The following CYP19A1 variants were observed in gnomAD, a reference collection of about 807,000 sequenced individuals.
The protein encoded by CYP19A1 is aromatase.
In CYP19A1, 32 loss-of-function variants were observed where a neutral mutation model predicts 44.4. That is an observed-to-expected ratio of 0.72 (90% CI 0.54 to 0.97). The LOEUF is 0.97. Ranked by LOEUF, CYP19A1 falls within the 50% of genes least tolerant of loss-of-function variation. The probability of loss-of-function intolerance (pLI) is 0.00; values close to 1 mark genes in which losing one functional copy is unlikely to be tolerated. For synonymous variants in CYP19A1, 212 were observed against 215.6 expected, an observed-to-expected ratio of 0.98 and a Z score of 0.14; for missense variants, 598 against 637.8, an observed-to-expected ratio of 0.94 and a Z score of 0.67.
intron 1 of CYP19A1, among the ~76,000 whole-genome samples, chr15:51,301,571 C>A (rs909506081): frequency 2.0e-5 from 3 of 152,218 alleles, no homozygotes; most frequent in African/African-American, 7.2e-5. Context: ...GCTGACCCCC[C>A]GCGTGCCTTC....
rs1014549887 is a variant in CYP19A1 at position 51,218,939 on chromosome 15, T to G, written c.629-284A>C. 7.2e-5 allele frequency among the ~76,000 whole-genome samples: 11 copies of G among 152,244 alleles called. No homozygotes were observed. In the East Asian group the frequency reaches 2.1e-3, roughly 29 times the overall value. ...CAAGTTTTCAGCCTAGAATTTCACA[T>G]ATTCTCCTTGGGCTGAGCTTTCAAC... On this transcript the variant is annotated intron_variant, in intron 5 of 9. Transcript: ENST00000396402.
chr15:51,223,394 G>GC (rs573534688), intron 4 of CYP19A1, among the ~76,000 whole-genome samples: 1 of 152,002 alleles, frequency 6.6e-6, no homozygotes, highest in Admixed American at 6.6e-5. Flanking sequence ...CCCTTAAAGT[G>GC]CCCCTTTCTC....
At chr15:51,322,563 A>G (rs979624573) in intron 1 of CYP19A1, among the ~76,000 whole-genome samples, 1 of 152,184 alleles carries the variant, frequency 6.6e-6, no homozygotes, top group African/African-American at 2.4e-5. Context: ...ACCACCTCCA[A>G]TATATAAAAT....
At chr15:51,258,317 T>G (rs1173155794) in intron 1 of CYP19A1, among the ~76,000 whole-genome samples, 3 of 152,218 alleles carry the variant, frequency 2.0e-5, no homozygotes, top group Non-Finnish European at 4.4e-5. Flanking sequence ...CCACAGCACT[T>G]GTTGTTCTCT....
chr15:51,231,225 A>G lies in CYP19A1; in HGVS notation c.297-3292T>C, dbSNP rs187301554. 5.1e-3 allele frequency among the ~76,000 whole-genome samples: 778 copies of G among 152,340 alleles called. 16 individuals carry two copies. Among genetic ancestry groups the G allele is most frequent in the Non-Finnish European group, 4.0e-3 (273 of 68,026 alleles). ...GCAACCTTAATCTAATTGAGCCTTT[A>G]GACCCAATTTTCAGTTTATAAGAAA... On this transcript the variant is annotated intron_variant, in intron 3 of 9. Transcript: ENST00000396402.
chr15:51,337,204 A>G (rs1194618385), intron 1 of CYP19A1, among the ~76,000 whole-genome samples: 1 of 152,238 alleles, frequency 6.6e-6, no homozygotes, highest in Non-Finnish European at 1.5e-5. Context: ...AGGACAGTTA[A>G]GATAGGTCCC....
chr15:51,314,100 G>A (rs28757091), intron 1 of CYP19A1: 2 of 152,018 alleles, frequency 1.3e-5, no homozygotes, highest in Admixed American at 6.5e-5. Context: ...AATTATTCTA[G>A]GGTCACACAG....
rs201638381 is a variant in CYP19A1, at chr15:51,210,993, C to A, written c.1327G>T (p.Ala443Ser). The A allele has an allele frequency of 1.4e-5, 23 of 1,589,924 alleles. No individual in the cohort carries two copies. The highest frequency in any genetic ancestry group is 5.0e-5 in the Admixed American group (3 of 59,950). The change falls in exon 10 of 10, where the codon GCC becomes TCC. Residue 443 changes from alanine to serine, a missense_variant. Transcript: ENST00000396402. ...AGGATGGCTTTCATCATCACCATGG[C>A]GATGTACTTTCCTGCACAGCCACGG... ...GPRGCAGKYI[A>S]MVMMKAILVT...
intron 1 of CYP19A1, among the ~76,000 whole-genome samples, chr15:51,286,924 G>C (rs1404310032): frequency 1.3e-5 from 2 of 152,196 alleles, no homozygotes; most frequent in Non-Finnish European, 2.9e-5. Context: ...ATGGCCTCTA[G>C]AGGGGACAGG....
intron 1 of CYP19A1, among the ~76,000 whole-genome samples, chr15:51,327,056 A>T (rs2036619366): frequency 1.3e-5 from 2 of 152,148 alleles, no homozygotes; most frequent in Non-Finnish European, 2.9e-5. Flanking sequence ...ATGCACCACT[A>T]ATCATCCAAA....
intron 1 of CYP19A1, among the ~76,000 whole-genome samples, chr15:51,332,887 G>A (rs2036723359): frequency 6.6e-6 from 1 of 152,186 alleles, no homozygotes; most frequent in Non-Finnish European, 1.5e-5. Context: ...AAGACTGTAA[G>A]ATTTTCTTTT....
At chr15:51,220,975 G>GTT (rs34931824) in intron 5 of CYP19A1, among the ~76,000 whole-genome samples, 68 of 144,098 alleles carry the variant, frequency 4.7e-4, no homozygotes, top group Non-Finnish European at 7.7e-4. Flanking sequence ...GCATGCACAT[G>GTT]TTTTTTTTTT....
At position 51,215,145 on chromosome 15, in the gene CYP19A1, A is replaced by G. The variant is rs1323470952; in HGVS notation, c.946T>C (p.Phe316Leu). The G allele has an allele frequency of 1.9e-6, 3 of 1,614,132 alleles. No individual in the cohort carries two copies. The Admixed American group carries it at 5.0e-5, about 27-fold the overall frequency. The change falls in exon 8 of 10, where the codon TTC (phenylalanine) becomes CTC (leucine). Residue 316 changes from phenylalanine (F) to leucine (L), a missense_variant. Phe to Leu is a conservative substitution (Grantham distance 22, BLOSUM62 0). Coordinates refer to ENST00000396402, the MANE Select transcript of CYP19A1 (RefSeq NM_000103.4). ...AAPDTMSVSL[F>L]FMLFLIAKHP... ...TTTGCAATGAGAAATAGCATGAAGA[A>G]CAAAGAGACAGACATGGTGTCAGGA...
At chr15:51,283,967 G>A (rs1193957006) in intron 1 of CYP19A1, among the ~76,000 whole-genome samples, 2 of 152,222 alleles carry the variant, frequency 1.3e-5, no homozygotes, top group African/African-American at 2.4e-5. Flanking sequence ...GTTAGAGGAC[G>A]CTTACCCTCA....
rs763421146 is a variant in CYP19A1 at position 51,210,878 on chromosome 15, G to A, written c.1442C>T (p.Pro481Leu). 12 of 1,588,896 alleles carry A rather than the reference G, an allele frequency of 7.6e-6. No individual in the cohort carries two copies. The highest frequency in any genetic ancestry group is 1.0e-5 in the Non-Finnish European group (12 of 1,156,984). Residue 481 changes from proline to leucine, a missense_variant, in exon 10 of 10, where the codon CCA becomes CTA. By Grantham distance (98) the Pro-to-Leu change is moderately conservative. Coordinates refer to ENST00000396402, the MANE Select transcript of CYP19A1 (RefSeq NM_000103.4). ...IQKIHDLSLH[P>L]DETKNMLEMI... ...TTCCAGCATGTTTTTAGTCTCATCTGGGTGCAAGGACAAGTCGTGTATCTT... is the reference window on the plus strand; with the variant it reads ...TTCCAGCATGTTTTTAGTCTCATCTAGGTGCAAGGACAAGTCGTGTATCTT...
intron 1 of CYP19A1, among the ~76,000 whole-genome samples, chr15:51,292,432 G>A (rs1179047050): frequency 2.0e-5 from 3 of 152,184 alleles, no homozygotes; most frequent in African/African-American, 7.2e-5. Flanking sequence ...ACTGCAATGG[G>A]ATTGACCCAG....
At chr15:51,317,203 G>A (rs556069987) in intron 1 of CYP19A1, among the ~76,000 whole-genome samples, 3 of 150,944 alleles carry the variant, frequency 2.0e-5, no homozygotes, top group South Asian at 2.1e-4. Context: ...CCAGGTTCAC[G>A]CCATTCTCCT....
chr15:51,313,074 G>A (rs1406000992), intron 1 of CYP19A1: 1 of 152,160 alleles, frequency 6.6e-6, no homozygotes, highest in African/African-American at 2.4e-5. Context: ...CTCCCTTCAT[G>A]AGCCATTTTC....
intron 2 of CYP19A1, among the ~76,000 whole-genome samples, chr15:51,240,925 G>A (rs2033721148): frequency 6.6e-6 from 1 of 152,166 alleles, no homozygotes; most frequent in African/African-American, 2.4e-5. Flanking sequence ...AACTCCCTGG[G>A]TCTCAGTTTC....
Sources: gnomAD v4.1 joint callset for allele counts (sites outside exome capture counted in the v4.1 genomes callset) on GRCh38, gnomAD v4.1.1 for gene constraint, MANE v1.5 for transcripts, NCBI Gene and HGNC (gene_info 2026-07-23, HGNC 2026-07-21) for gene names.